Variants in NFKB1 observed in about 807,000 individuals in gnomAD.
NFKB1 encodes the protein nuclear factor NF-kappa-B p105 subunit.
NFKB1 carries 9 observed loss-of-function variants against 105.1 expected under a neutral mutation model. That is an observed-to-expected ratio of 0.09 (90% CI 0.05 to 0.15). The LOEUF (loss-of-function observed/expected upper bound fraction) is 0.15. Among genes scored for constraint, NFKB1 ranks in the 10% least tolerant of loss-of-function variants. The pLI is 1.00. For synonymous variants in NFKB1, 440 were observed against 442.2 expected (o/e 1.00, Z 0.06); for missense variants, 830 against 1,203.7 (o/e 0.69, Z 4.59).
At chr4:102,543,432 G>T (rs1721875480) in intron 5 of NFKB1, among the ~76,000 whole-genome samples, 1 of 152,100 alleles carries the variant, frequency 6.6e-6, no homozygotes, top group Admixed American at 6.6e-5. Context: ...AATATCAAAT[G>T]CAAGGGACTT....
chr4:102,530,814 G>A (rs1400989100), intron 3 of NFKB1, among the ~76,000 whole-genome samples: 1 of 151,982 alleles, frequency 6.6e-6, no homozygotes, highest in African/African-American at 2.4e-5. Flanking sequence ...TATATCTTTA[G>A]TATTTCTAGG....
At chr4:102,532,139 C>T (rs569549174) in intron 3 of NFKB1, among the ~76,000 whole-genome samples, 1 of 152,246 alleles carries the variant, frequency 6.6e-6, no homozygotes, top group African/African-American at 2.4e-5. Context: ...GAATTTCATA[C>T]AGACAAAAGA....
At chr4:102,612,694 C>G in intron 22 of NFKB1, 88 bp downstream of exon 22, 1 of 1,293,880 alleles carries the variant, frequency 7.7e-7, no homozygotes, top group Non-Finnish European at 1.1e-6. Flanking sequence ...CTTCCCTTTT[C>G]CTTAACTCTG....
chr4:102,534,591 G>A (rs546779385), intron 4 of NFKB1, among the ~76,000 whole-genome samples: 1 of 152,272 alleles, frequency 6.6e-6, no homozygotes, highest in South Asian at 2.1e-4. Context: ...AGAAAGAAAG[G>A]CAATCTTTAA....
At chr4:102,526,975 C>T (rs1372280673) in intron 2 of NFKB1, among the ~76,000 whole-genome samples, 1 of 151,500 alleles carries the variant, frequency 6.6e-6, no homozygotes, top group Non-Finnish European at 1.5e-5. Context: ...TATACATAAT[C>T]ATTTGGAAGC....
chr4:102,584,875 TTTTTGTTTTG>T lies in NFKB1; in HGVS notation c.1066+71_1066+80del, dbSNP rs548436039. ...ATATTTTATTTTATTTTATTTTTGG[TTTTTGTTTTG>T]TTTTGTTTTGTTTTGAGACAGAGTC... On this transcript the variant is annotated intron_variant, in intron 11 of 23. Transcript: ENST00000226574. 5.7e-5 allele frequency: 87 copies of T among 1,515,432 alleles called. No homozygotes were observed. In the East Asian group the frequency reaches 6.9e-4, roughly 12 times the overall value. 93.9% of individuals were successfully genotyped at this position (1,515,432 alleles called of 1,614,324 possible).
chr4:102,586,264 G>A (rs1219561846), intron 11 of NFKB1, among the ~76,000 whole-genome samples: 6 of 152,110 alleles, frequency 3.9e-5, no homozygotes, highest in African/African-American at 9.7e-5. Context: ...TAGGAGAGAC[G>A]GGGAGTCATA....
Position 102,613,400 on chromosome 4 carries a change from C to T in NFKB1, c.2593-25C>T, listed in dbSNP as rs4648117. On this transcript the variant is annotated intron_variant, in intron 22 of 23. Transcript: ENST00000226574. ...ACTGGGACTCGAACACAAGAACATG[C>T]TCCTCCTTCCTTTCTTTCTCACAGG... is the stretch of plus-strand genomic sequence containing the variant. 67,590 of 1,609,468 alleles carry T rather than the reference C, an allele frequency of 0.042. 1,485 individuals carry two copies. The highest frequency in any genetic ancestry group is 0.059 in the East Asian group (2,637 of 44,760).
At chr4:102,544,090 A>AAAGGAATC (rs879339615) in intron 5 of NFKB1, among the ~76,000 whole-genome samples, 1 of 152,068 alleles carries the variant, frequency 6.6e-6, no homozygotes, top group Non-Finnish European at 1.5e-5. Flanking sequence ...AGATTCCTAA[A>AAAGGAATC]TTTATATGCA....
chr4:102,576,400 A>G (rs1178606053), intron 6 of NFKB1, among the ~76,000 whole-genome samples: 1 of 152,228 alleles, frequency 6.6e-6, no homozygotes, highest in Non-Finnish European at 1.5e-5. Context: ...AAAATACTTT[A>G]AAATGAACCC....
intron 23 of NFKB1, among the ~76,000 whole-genome samples, chr4:102,614,922 C>G (rs1208063428): frequency 1.3e-5 from 2 of 152,092 alleles, no homozygotes; most frequent in East Asian, 3.9e-4. Flanking sequence ...CCCAAGAATT[C>G]CTCAGGAGTC....
chr4:102,541,055 T>C (rs1389989611), intron 5 of NFKB1, among the ~76,000 whole-genome samples: 2 of 152,202 alleles, frequency 1.3e-5, no homozygotes, highest in African/African-American at 4.8e-5. Flanking sequence ...CTTGGCATTA[T>C]TGACATTTGG....
At chr4:102,560,647 A>G (rs1723348096) in intron 5 of NFKB1, among the ~76,000 whole-genome samples, 1 of 152,144 alleles carries the variant, frequency 6.6e-6, no homozygotes, top group South Asian at 2.1e-4. Context: ...TACTGAGAAT[A>G]CCACATTTAT....
chr4:102,612,040 A>C lies in NFKB1; in HGVS notation c.2353-4A>C, dbSNP rs1251725750. 1 of 1,612,910 alleles carries C rather than the reference A, an allele frequency of 6.2e-7. No homozygotes were observed. Among genetic ancestry groups the C allele is most frequent in the South Asian group, 1.1e-5 (1 of 91,060 alleles). The stretch of plus-strand genomic sequence containing the variant: ...ACGATTTCTGGTGTTTTTCTTTCCA[A>C]CAGGTATTTGACATATTAAATGGGA... On this transcript the variant is annotated splice_polypyrimidine_tract_variant and splice_region_variant and intron_variant, in intron 20 of 23. Transcript: ENST00000226574.
At chr4:102,607,798 T>C in intron 19 of NFKB1, 47 bp downstream of exon 19, 1 of 1,548,906 alleles carries the variant, frequency 6.5e-7, no homozygotes, top group Non-Finnish European at 8.9e-7. Context: ...TTACCAGGAA[T>C]GCAAACCCAA....
Position 102,596,199 on chromosome 4 carries a change from C to T in NFKB1, c.1362C>T (p.Asn454=), listed in dbSNP as rs1387478466. 8 of 1,612,478 alleles carry T rather than the reference C, an allele frequency of 5.0e-6. No individual in the cohort carries two copies. The highest frequency in any genetic ancestry group is 5.9e-6 in the Non-Finnish European group (7 of 1,178,900). Residue 454 remains asparagine (N), a synonymous_variant, in exon 14 of 24, where the codon AAC becomes AAT. Coordinates refer to ENST00000226574, the MANE Select transcript of NFKB1 (RefSeq NM_003998.4). ...PEGCDKSDDK[N]TVNLFGKVIE... ...GTTGTGACAAAAGTGATGACAAAAACACTGTAAACCTCTTTGGGAAAGTTA... is the reference window on the plus strand; with the variant it reads ...GTTGTGACAAAAGTGATGACAAAAATACTGTAAACCTCTTTGGGAAAGTTA...
intron 11 of NFKB1, among the ~76,000 whole-genome samples, chr4:102,585,805 G>A (rs986353601): frequency 1.3e-5 from 2 of 152,170 alleles, no homozygotes; most frequent in Admixed American, 6.6e-5. Flanking sequence ...TATTTCAGCA[G>A]TTGGGTGTTA....
At chr4:102,539,236 CAAAAAAA>C (rs550342036) in intron 5 of NFKB1, among the ~76,000 whole-genome samples, 2 of 95,646 alleles carry the variant, frequency 2.1e-5, no homozygotes, top group African/African-American at 7.6e-5. Flanking sequence ...GACTCTGTCT[CAAAAAAA>C]AAAAAAAAAA....
chr4:102,577,911 A>G, intron 7 of NFKB1: 1 of 985,354 alleles, frequency 1.0e-6, no homozygotes. Flanking sequence ...CCAGATAGAT[A>G]TTACTGAAGT....
Sources: gnomAD v4.1 joint callset for allele counts (sites outside exome capture counted in the v4.1 genomes callset) on GRCh38, gnomAD v4.1.1 for gene constraint, MANE v1.5 for transcripts, NCBI Gene and HGNC (gene_info 2026-07-23, HGNC 2026-07-21) for gene names.